The following PRDM11 variants were observed in gnomAD, a reference collection of about 807,000 sequenced individuals.
PRDM11 encodes PR/SET domain 11, also known as PR domain-containing protein 11.
In PRDM11, 20 loss-of-function variants were observed where a neutral mutation model predicts 97.8. The ratio of observed to expected loss-of-function variants is 0.20; its 90% CI spans 0.14 to 0.30. The LOEUF (loss-of-function observed/expected upper bound fraction) is 0.30. PRDM11 is among the 10% of genes least tolerant of loss of function. The pLI is 1.00. For missense variants in PRDM11, 1,139 were observed against 1,555.2 expected, an observed-to-expected ratio of 0.73 and a Z score of 4.50; for synonymous variants, 599 against 637.7, an observed-to-expected ratio of 0.94 and a Z score of 0.91.
intron 1 of PRDM11, among the ~76,000 whole-genome samples, chr11:45,176,471 G>A (rs559855226): frequency 1.9e-4 from 29 of 152,248 alleles, no homozygotes; most frequent in Middle Eastern, 3.4e-3. Context: ...GGGTACTTAC[G>A]ATAGGTCAGG....
In PRDM11 at chr11:45,229,483, G is replaced by GAC. The variant is rs144804793; in HGVS notation, c.*1340_*1341dup. The stretch of plus-strand genomic sequence containing the variant: ...CTACACAGACACACACACACACACA[G>GAC]ACACACACACACACACAGACACACA... On this transcript the variant is annotated 3_prime_UTR_variant, in exon 8 of 8. Transcript: ENST00000683152. 0.21 allele frequency: 31,151 copies of GAC among 147,690 alleles called. 3,864 individuals carry two copies. Among genetic ancestry groups the GAC allele is most frequent in the African/African-American group, 0.35 (14,229 of 40,432 alleles). 9.1% of individuals were successfully genotyped at this position (147,690 alleles called of 1,614,324 possible). A position where few individuals can be genotyped will look rare whatever the true frequency, so the allele number is the denominator to read the frequency against.
chr11:45,142,777 G>C (rs113041440), upstream of PRDM11, among the ~76,000 whole-genome samples: 3,093 of 152,248 alleles, frequency 0.02, 103 homozygotes, highest in African/African-American at 0.07. Context: ...TCAGCTGTTG[G>C]GTGAATGGAC....
chr11:45,194,759 C>T (rs1853053755), intron 4 of PRDM11, among the ~76,000 whole-genome samples: 1 of 150,456 alleles, frequency 6.6e-6, no homozygotes, highest in South Asian at 2.1e-4. Context: ...CCACTACGCC[C>T]GGCTAATTTT....
At chr11:45,101,092 T>A (rs1020231967) in intron 1 of PRDM11, among the ~76,000 whole-genome samples, 2 of 151,948 alleles carry the variant, frequency 1.3e-5, no homozygotes, top group African/African-American at 4.8e-5. Flanking sequence ...GAAAGCAGCT[T>A]CTCCCTTTCC....
intron 4 of PRDM11, among the ~76,000 whole-genome samples, chr11:45,204,436 T>C (rs1424328738): frequency 1.3e-5 from 2 of 152,208 alleles, no homozygotes; most frequent in East Asian, 3.8e-4. Context: ...TCCCATCTGC[T>C]TCCCATCTTC....
At chr11:45,181,706 C>A in intron 1 of PRDM11, 55 bp from the exon 2 acceptor site, 1 of 1,504,398 alleles carries the variant, frequency 6.6e-7, no homozygotes, top group Non-Finnish European at 9.2e-7. Flanking sequence ...GCTCACTCCT[C>A]TTCCCCTGTT....
chr11:45,103,432 T>C (rs1173641836), intron 1 of PRDM11, among the ~76,000 whole-genome samples: 4 of 152,220 alleles, frequency 2.6e-5, no homozygotes, highest in African/African-American at 9.7e-5. Context: ...TGGATCACCA[T>C]GTGCTTTGGT....
rs1269032218 is a variant in PRDM11, at chr11:45,230,782, G to T, written c.*2623G>T. The T allele has an allele frequency of 5.9e-5, 9 of 152,240 alleles. No homozygotes were observed. 9.4% of individuals were successfully genotyped at this position (152,240 alleles called of 1,614,324 possible). On this transcript the variant is annotated 3_prime_UTR_variant, in exon 8 of 8. Transcript: ENST00000683152. ...CCCGCTCATTTGAAAACCAGGAAGAGAGAACCAGTGTCTTCCTGAGCACCT... is the reference window on the plus strand; with the variant it reads ...CCCGCTCATTTGAAAACCAGGAAGATAGAACCAGTGTCTTCCTGAGCACCT...
intron 1 of PRDM11, among the ~76,000 whole-genome samples, chr11:45,109,033 C>CT (rs1852118298): frequency 6.6e-6 from 1 of 152,232 alleles, no homozygotes; most frequent in Admixed American, 6.5e-5. Flanking sequence ...GGGGCTTAGC[C>CT]TGTGAGACTG....
At position 45,194,629 on chromosome 11, in the gene PRDM11, C is replaced by T. The variant is rs1418083738; in HGVS notation, c.487-10082C>T. ...TTTTTTTTTTTTTGAGACGGAGTCTCGCTCTGTCGCCCAGGCTGGAGTGCA... is the reference window on the plus strand; with the variant it reads ...TTTTTTTTTTTTTGAGACGGAGTCTTGCTCTGTCGCCCAGGCTGGAGTGCA... On this transcript the variant is annotated intron_variant, in intron 4 of 7. Coordinates refer to ENST00000683152, the MANE Select transcript of PRDM11 (RefSeq NM_001384648.1). 3.7e-5 allele frequency among the ~76,000 whole-genome samples: 4 copies of T among 109,148 alleles called. No homozygotes were observed. In the South Asian group the frequency reaches 1.1e-3, roughly 30 times the overall value. The allele number at this position is 109,148 out of a possible 152,430, so 71.6% of individuals were successfully genotyped here.
chr11:45,204,948 C>T (rs796537252), intron 5 of PRDM11, among the ~76,000 whole-genome samples, 170 bp downstream of exon 5: 24 of 152,276 alleles, frequency 1.6e-4, no homozygotes, highest in African/African-American at 5.8e-4. Context: ...CCTAGGCCTC[C>T]ATCAGGGGGC....
chr11:45,151,349 T>C lies in PRDM11; in HGVS notation c.-7+4472T>C, dbSNP rs147289521. On this transcript the variant is annotated intron_variant, in intron 1 of 7. Transcript: ENST00000683152. ...AGCCGTGCAGAAAGAAAAAAGAAAA[T>C]TGTGCTGTTGTTTTCTAAAAAGCCT... 5.2e-3 allele frequency among the ~76,000 whole-genome samples: 795 copies of C among 152,172 alleles called. 7 individuals are homozygous for C. Among genetic ancestry groups the C allele is most frequent in the African/African-American group, 0.018 (746 of 41,500 alleles).
At chr11:45,181,031 C>T (rs1565295233) in intron 1 of PRDM11, among the ~76,000 whole-genome samples, 2 of 152,212 alleles carry the variant, frequency 1.3e-5, no homozygotes, top group Admixed American at 1.3e-4. Flanking sequence ...ACACGCCGCT[C>T]GCCCAGTCCC....
chr11:45,219,458 C>A lies in PRDM11; in HGVS notation c.555-112C>A. On this transcript the variant is annotated intron_variant, in intron 5 of 7. Transcript: ENST00000683152. This position sits in a 1 kb window ranked among gnomAD's most constrained non-coding sequence, Gnocchi z 4.2. ...TGCTCTGCTGATGTTCACATGGGCC[C>A]ACGTGCCTGTGGACTTCTAACCATC... is the stretch of plus-strand genomic sequence containing the variant. 9.5e-7 allele frequency: 1 copy of A among 1,053,362 alleles called. No individual in the cohort carries two copies. Among genetic ancestry groups the A allele is most frequent in the Non-Finnish European group, 1.4e-6 (1 of 729,754 alleles). 65.3% of individuals were successfully genotyped at this position (1,053,362 alleles called of 1,614,324 possible).
chr11:45,160,601 C>G (rs192214978), intron 1 of PRDM11, among the ~76,000 whole-genome samples: 1 of 152,336 alleles, frequency 6.6e-6, no homozygotes, highest in African/African-American at 2.4e-5. Context: ...TCTGGGAAAT[C>G]TAGCCACACA....
intron 1 of PRDM11, among the ~76,000 whole-genome samples, chr11:45,135,742 A>T (rs1288116328): frequency 1.3e-5 from 2 of 152,216 alleles, no homozygotes; most frequent in East Asian, 3.8e-4. Context: ...AATTCTCCTC[A>T]AATTAACCTA....
chr11:45,151,549 G>T (rs921508465), intron 1 of PRDM11, among the ~76,000 whole-genome samples: 43 of 152,224 alleles, frequency 2.8e-4, no homozygotes, highest in Non-Finnish European at 6.3e-4. Context: ...GTATGCCATT[G>T]CTGTGCCAGG....
Position 45,227,400 on chromosome 11 carries a change from C to T in PRDM11, c.2775C>T (p.Ser925=). ...AIQEISRLAD[S]PGEYLQEFEE... is the part of the protein sequence containing the mutation. ...AGGAGATCAGCCGGCTGGCTGACTCCCCGGGAGAATACCTGCAGGAGTTCG... is the reference window on the plus strand; with the variant it reads ...AGGAGATCAGCCGGCTGGCTGACTCTCCGGGAGAATACCTGCAGGAGTTCG... The change falls in exon 8 of 8, where the codon TCC becomes TCT. Residue 925 remains serine (S), a synonymous_variant. Transcript: ENST00000683152. The surrounding 1 kb of genome is among the most constrained non-coding windows in gnomAD (Gnocchi z 8.0). 3.3e-6 allele frequency: 5 copies of T among 1,533,854 alleles called. No homozygotes were observed. The highest frequency in any genetic ancestry group is 4.4e-6 in the Non-Finnish European group (5 of 1,146,726).
At chr11:45,142,955 G>GAAGAAGTA (rs1851435506), upstream of PRDM11, among the ~76,000 whole-genome samples, 1 of 152,214 alleles carries the variant, frequency 6.6e-6, no homozygotes, top group Non-Finnish European at 1.5e-5. Context: ...AGTAGGATTA[G>GAAGAAGTA]AAGCAGTAAA....
Sources: allele counts gnomAD v4.1 joint callset (sites outside exome capture counted in the v4.1 genomes callset), GRCh38; gene constraint gnomAD v4.1.1; non-coding constraint Gnocchi (gnomAD v3.1); transcripts MANE v1.5; gene names NCBI Gene and HGNC (gene_info 2026-07-23, HGNC 2026-07-21).